IGF1R: variants seen among roughly 807,000 people sequenced by gnomAD.
The protein encoded by IGF1R is insulin-like growth factor 1 receptor.
Under a neutral mutation model 144.6 loss-of-function variants are expected in IGF1R, and 44 were observed. That is an observed-to-expected ratio of 0.30 (90% CI 0.24 to 0.39). The LOEUF is 0.39. Among genes scored for constraint, IGF1R ranks in the 10% least tolerant of loss-of-function variants. IGF1R has a pLI of 1.00. For synonymous variants in IGF1R, 795 were observed against 722.8 expected (o/e 1.10, Z -1.60); for missense variants, 1,355 against 1,833.7 (o/e 0.74, Z 4.77).
At chr15:98,711,277 A>G (rs1031194567) in intron 2 of IGF1R, among the ~76,000 whole-genome samples, 2 of 152,180 alleles carry the variant, frequency 1.3e-5, no homozygotes, top group African/African-American at 4.8e-5. Flanking sequence ...CATTCAGGTA[A>G]TCTTCTGTTG....
chr15:98,690,175 C>G (rs2053440915), intron 1 of IGF1R, among the ~76,000 whole-genome samples: 1 of 152,066 alleles, frequency 6.6e-6, no homozygotes, highest in African/African-American at 2.4e-5. Flanking sequence ...CACCCCATCT[C>G]TACAAAAAAA....
At position 98,960,075 on chromosome 15, in the gene IGF1R, T is replaced by C. The variant is rs994158123; in HGVS notation, c.*2633T>C. 8.6e-6 allele frequency: 2 copies of C among 233,482 alleles called. No individual in the cohort carries two copies. The highest frequency in any genetic ancestry group is 4.4e-5 in the African/African-American group (2 of 45,268). The allele number at this position is 233,482 out of a possible 1,614,324, so 14.5% of individuals were successfully genotyped here. A position where few individuals can be genotyped will look rare whatever the true frequency, so the allele number is the denominator to read the frequency against. ...CAAACATTTATCTACCTCACTCTTA[T>C]TTTTTATATGTGTATATAGACAAAA... On this transcript the variant is annotated 3_prime_UTR_variant, in exon 21 of 21. Transcript: ENST00000650285.
At chr15:98,789,343 CT>C (rs1455902546) in intron 2 of IGF1R, among the ~76,000 whole-genome samples, 2 of 152,140 alleles carry the variant, frequency 1.3e-5, no homozygotes, top group African/African-American at 4.8e-5. Flanking sequence ...GCTGGCTAGC[CT>C]TTTTTTAAAA....
chr15:98,701,735 G>A (rs992636075), intron 1 of IGF1R, among the ~76,000 whole-genome samples: 1 of 152,162 alleles, frequency 6.6e-6, no homozygotes, highest in Admixed American at 6.6e-5. Context: ...TGTTGACAGA[G>A]GGATAATCAG....
At chr15:98,900,332 T>C (rs1283483562) in intron 5 of IGF1R, among the ~76,000 whole-genome samples, 1 of 152,234 alleles carries the variant, frequency 6.6e-6, no homozygotes, top group African/African-American at 2.4e-5. Context: ...TAAATACGAC[T>C]CTTGCCAGGC....
At chr15:98,703,411 C>T (rs1033265944) in intron 1 of IGF1R, among the ~76,000 whole-genome samples, 2 of 152,188 alleles carry the variant, frequency 1.3e-5, no homozygotes, top group Non-Finnish European at 2.9e-5. Flanking sequence ...CTTGCGCCTC[C>T]TGAACGCTGC....
chr15:98,700,323 T>TGA (rs763177972), intron 1 of IGF1R, among the ~76,000 whole-genome samples: 3 of 152,100 alleles, frequency 2.0e-5, no homozygotes, highest in African/African-American at 7.2e-5. Flanking sequence ...GGGGGTTTTC[T>TGA]GAGAGAGAGA....
intron 2 of IGF1R, among the ~76,000 whole-genome samples, chr15:98,885,110 A>G (rs1169919706): frequency 1.3e-5 from 2 of 152,196 alleles, no homozygotes; most frequent in African/African-American, 4.8e-5. Context: ...TTCCCCTGGC[A>G]GGCAGCCCTA....
intron 2 of IGF1R, among the ~76,000 whole-genome samples, chr15:98,793,216 T>C (rs114630357): frequency 2.6e-5 from 4 of 152,388 alleles, no homozygotes; most frequent in African/African-American, 9.6e-5. Context: ...ATCCAGTTGT[T>C]GTCAGCATTG....
intron 2 of IGF1R, among the ~76,000 whole-genome samples, chr15:98,795,621 T>C (rs2056224086): frequency 6.6e-6 from 1 of 152,216 alleles, no homozygotes; most frequent in East Asian, 1.9e-4. Context: ...TTTCACTGTG[T>C]TAGCCAGGAT....
In IGF1R at chr15:98,962,779, C is replaced by A. The variant is rs141739977; in HGVS notation, c.*5337C>A. 4 of 233,474 alleles carry A rather than the reference C, an allele frequency of 1.7e-5. No individual in the cohort carries two copies. The highest frequency in any genetic ancestry group is 1.8e-4 in the South Asian group (1 of 5,524). The allele number at this position is 233,474 out of a possible 1,614,324, so 14.5% of individuals were successfully genotyped here. On this transcript the variant is annotated 3_prime_UTR_variant, in exon 21 of 21. Transcript: ENST00000650285. ...ACCACATCGAGGCTCAGCAGTCATC[C>A]GTGGGCATTTGGTTTCAACAAAGAA...
Position 98,935,004 on chromosome 15 carries a change from A to G in IGF1R, c.3137A>G (p.Glu1046Gly). Residue 1046 changes from glutamate (E) to glycine (G), a missense_variant, in exon 16 of 21, where the codon GAG (glutamate) becomes GGG (glycine). Around this residue, in one of 7 missense-constraint regions of IGF1R, gnomAD observed 880 missense variants for 1,202.7 expected, o/e 0.73. Transcript: ENST00000650285. The surrounding 1 kb of genome is among the most constrained non-coding windows in gnomAD (Gnocchi z 4.2). The part of the protein sequence containing the change: ...NEAASMRERI[E>G]FLNEASVMKE... Reference sequence around the variant, plus strand: ...GCCGCAAGCATGCGTGAGAGGATTGAGTTTCTCAACGAAGCTTCTGTGATG... The same window carrying G: ...GCCGCAAGCATGCGTGAGAGGATTGGGTTTCTCAACGAAGCTTCTGTGATG... The G allele has an allele frequency of 6.2e-7, 1 of 1,614,132 alleles. No homozygotes were observed. Among genetic ancestry groups the G allele is most frequent in the Non-Finnish European group, 8.5e-7 (1 of 1,180,002 alleles).
Position 98,891,262 on chromosome 15 carries a change from G to A in IGF1R, c.641-63G>A. ...GAATGACCCAGAAGGATGCTGGCCAGGCCCAGAGAAGGCGGTGCCTCCCCT... is the reference window on the plus strand; with the variant it reads ...GAATGACCCAGAAGGATGCTGGCCAAGCCCAGAGAAGGCGGTGCCTCCCCT... On this transcript the variant is annotated intron_variant, in intron 2 of 20. Transcript: ENST00000650285. This position sits in a 1 kb window ranked among gnomAD's most constrained non-coding sequence, Gnocchi z 4.7. 2 of 1,502,312 alleles carry A rather than the reference G, an allele frequency of 1.3e-6. No homozygotes were observed. The highest frequency in any genetic ancestry group is 1.7e-5 in the Admixed American group (1 of 58,346). 93.1% of individuals were successfully genotyped at this position (1,502,312 alleles called of 1,614,324 possible). A position where few individuals can be genotyped will look rare whatever the true frequency, so the allele number is the denominator to read the frequency against.
chr15:98,713,259 T>A (rs980450572), intron 2 of IGF1R, among the ~76,000 whole-genome samples: 1 of 152,186 alleles, frequency 6.6e-6, no homozygotes, highest in Non-Finnish European at 1.5e-5. Flanking sequence ...CACTGTATGC[T>A]GTCACCCCAA....
chr15:98,712,018 C>T (rs2054004729), intron 2 of IGF1R, among the ~76,000 whole-genome samples: 1 of 152,146 alleles, frequency 6.6e-6, no homozygotes, highest in African/African-American at 2.4e-5. Context: ...AGGGCTCCAC[C>T]CTCATGGCCT....
intron 15 of IGF1R, among the ~76,000 whole-genome samples, chr15:98,930,621 T>C (rs535754943): frequency 2.1e-4 from 32 of 152,210 alleles, no homozygotes; most frequent in African/African-American, 7.5e-4. Flanking sequence ...AAAACAGCTT[T>C]TTAATTGTTA....
intron 1 of IGF1R, among the ~76,000 whole-genome samples, chr15:98,689,957 T>A (rs1189614591): frequency 1.3e-5 from 2 of 152,172 alleles, no homozygotes; most frequent in Non-Finnish European, 2.9e-5. Context: ...AAATGTGGGC[T>A]CCTTTGGGTG....
intron 2 of IGF1R, chr15:98,890,770 A>G (rs888563797): frequency 6.1e-6 from 1 of 163,816 alleles, no homozygotes; most frequent in African/African-American, 2.4e-5. Context: ...AACCTTTGAT[A>G]TCTAAGGCAG....
In IGF1R at chr15:98,704,205, A is replaced by C; in HGVS notation, c.95-3357A>C. ...TTTCATGCACAAGATTATTAAAAAT[A>C]TATAAAATGACTTTTTAGAGAAGCG... On this transcript the variant is annotated intron_variant, in intron 1 of 20. Coordinates refer to ENST00000650285, the MANE Select transcript of IGF1R (RefSeq NM_000875.5). The surrounding 1 kb of genome is among the most constrained non-coding windows in gnomAD (Gnocchi z 4.9). 6.6e-6 allele frequency among the ~76,000 whole-genome samples: 1 copy of C among 152,194 alleles called. No homozygotes were observed. The highest frequency in any genetic ancestry group is 6.5e-5 in the Admixed American group (1 of 15,278).
Sources: gnomAD v4.1 joint callset for allele counts (sites outside exome capture counted in the v4.1 genomes callset) on GRCh38, gnomAD v4.1.1 for gene constraint, gnomAD v4.1.1 regional missense constraint, Gnocchi (gnomAD v3.1) non-coding constraint, MANE v1.5 for transcripts, NCBI Gene and HGNC (gene_info 2026-07-23, HGNC 2026-07-21) for gene names.